The following RBFOX1 variants were observed in gnomAD, a reference collection of about 807,000 sequenced individuals.
The protein encoded by RBFOX1 is RNA binding fox-1 homolog 1.
RBFOX1 carries 8 observed loss-of-function variants against 57.7 expected under a neutral mutation model. The ratio of observed to expected loss-of-function variants is 0.14; its 90% CI spans 0.08 to 0.25. The LOEUF (loss-of-function observed/expected upper bound fraction) is 0.25. Ranked by LOEUF, RBFOX1 falls within the 10% of genes least tolerant of loss-of-function variation. The pLI, the probability that RBFOX1 is intolerant of heterozygous loss-of-function variation, is 1.00. For synonymous variants in RBFOX1, 326 were observed against 222.4 expected (o/e 1.47, Z -4.15); for missense variants, 611 against 548.5 (o/e 1.11, Z -1.14).
At chr16:6,255,697 A>C (rs934244858) in intron 1 of RBFOX1, among the ~76,000 whole-genome samples, 3 of 152,114 alleles carry the variant, frequency 2.0e-5, no homozygotes, top group Non-Finnish European at 4.4e-5. Flanking sequence ...TACATCATGG[A>C]ATACTATGCA....
chr16:5,962,307 T>A (rs79845494), intron 4 of RBFOX1, among the ~76,000 whole-genome samples: 57 of 152,330 alleles, frequency 3.7e-4, no homozygotes, highest in African/African-American at 1.4e-3. Context: ...TCTCTCCCTG[T>A]TCTCATCCTG....
intron 3 of RBFOX1, among the ~76,000 whole-genome samples, chr16:6,926,271 C>A (rs139057298): frequency 6.6e-6 from 1 of 151,984 alleles, no homozygotes; most frequent in African/African-American, 2.4e-5. Context: ...CACACCACTG[C>A]GCTACAGCCT....
At chr16:6,975,276 T>A (rs970221307) in intron 3 of RBFOX1, among the ~76,000 whole-genome samples, 3 of 152,220 alleles carry the variant, frequency 2.0e-5, no homozygotes, top group African/African-American at 7.2e-5. Flanking sequence ...TTTATTATTT[T>A]TTTTTTTGAG....
At chr16:5,484,264 T>C (rs2069648831) in intron 2 of RBFOX1, among the ~76,000 whole-genome samples, 2 of 152,246 alleles carry the variant, frequency 1.3e-5, no homozygotes, top group Non-Finnish European at 2.9e-5. Flanking sequence ...CCCATGAATC[T>C]GGCTGGACAG....
intron 4 of RBFOX1, among the ~76,000 whole-genome samples, chr16:7,179,222 A>ATTT (rs5815380): frequency 9.9e-4 from 144 of 145,178 alleles, no homozygotes; most frequent in African/African-American, 3.3e-3. Flanking sequence ...CTTAACCGGG[A>ATTT]TTTTTTTTTT....
At chr16:6,678,838 G>C (rs543209995) in intron 3 of RBFOX1, among the ~76,000 whole-genome samples, 2 of 152,116 alleles carry the variant, frequency 1.3e-5, no homozygotes, top group Admixed American at 1.3e-4. Flanking sequence ...CCAGGAGGCT[G>C]AGTGAGGCTG....
chr16:5,936,984 A>G (rs918697941), intron 4 of RBFOX1, among the ~76,000 whole-genome samples: 2 of 152,102 alleles, frequency 1.3e-5, no homozygotes, highest in African/African-American at 4.8e-5. Context: ...CTATATAATC[A>G]GTGTCAGTGT....
chr16:6,873,651 C>T (rs2061337842), intron 3 of RBFOX1, among the ~76,000 whole-genome samples: 2 of 152,206 alleles, frequency 1.3e-5, no homozygotes, highest in Non-Finnish European at 2.9e-5. Context: ...AGATTCTCTG[C>T]ATTCATAGGT....
intron 1 of RBFOX1, among the ~76,000 whole-genome samples, chr16:6,156,753 A>G (rs2096841214): frequency 1.3e-5 from 2 of 152,162 alleles, no homozygotes. Context: ...TGCTTATTTC[A>G]GTCCATTGGG....
At position 5,856,239 on chromosome 16, in the gene RBFOX1, GTGTATATATATGTATATATATGTA is replaced by G. The variant is rs781018496; in HGVS notation, c.319-11062_319-11039del. Among the ~76,000 whole-genome samples the G allele has an allele frequency of 4.9e-3, 116 of 23,802 alleles. 7 individuals carry two copies. The highest frequency in any genetic ancestry group is 0.012 in the African/African-American group (84 of 6,800). 15.6% of individuals were successfully genotyped at this position (23,802 alleles called of 152,430 possible). A position where few individuals can be genotyped will look rare whatever the true frequency, so the allele number is the denominator to read the frequency against. On this transcript the variant is annotated intron_variant, in intron 3 of 19. Coordinates refer to the RBFOX1 transcript ENST00000641259. ...TATGTATATATATATGTATATATAT[GTGTATATATATGTATATATATGTA>G]TATATATATACACATATATATACAC... is the stretch of plus-strand genomic sequence containing the variant.
intron 2 of RBFOX1, among the ~76,000 whole-genome samples, chr16:6,420,258 T>A (rs2093736619): frequency 6.6e-6 from 1 of 152,174 alleles, no homozygotes. Context: ...ATTTCTCATA[T>A]ATGTTAAAAA....
At chr16:5,852,631 C>T (rs1361374579) in intron 3 of RBFOX1, among the ~76,000 whole-genome samples, 1 of 152,032 alleles carries the variant, frequency 6.6e-6, no homozygotes, top group Non-Finnish European at 1.5e-5. Flanking sequence ...TGCAGCTTGG[C>T]TAGGGGTGGA....
At chr16:7,120,825 A>G (rs1372802185) in intron 4 of RBFOX1, among the ~76,000 whole-genome samples, 1 of 118,494 alleles carries the variant, frequency 8.4e-6, no homozygotes, top group Non-Finnish European at 1.8e-5. Flanking sequence ...TTATATATGT[A>G]TATATACACA....
chr16:6,060,348 G>T, intron 1 of RBFOX1, among the ~76,000 whole-genome samples: 1 of 151,990 alleles, frequency 6.6e-6, no homozygotes, highest in Non-Finnish European at 1.5e-5. Flanking sequence ...CTTACAGTGA[G>T]ATTTAAATGA....
intron 3 of RBFOX1, among the ~76,000 whole-genome samples, chr16:6,808,927 T>C (rs1179211727): frequency 1.3e-5 from 2 of 152,198 alleles, no homozygotes; most frequent in African/African-American, 4.8e-5. Flanking sequence ...AAACTAAATA[T>C]GTCCTGAGAA....
chr16:7,686,700 CTG>C (rs1678124665), intron 14 of RBFOX1, among the ~76,000 whole-genome samples: 1 of 152,074 alleles, frequency 6.6e-6, no homozygotes, highest in South Asian at 2.1e-4. Flanking sequence ...AATGAAGAAA[CTG>C]AGGTCCAGAC....
intron 5 of RBFOX1, among the ~76,000 whole-genome samples, chr16:7,538,847 G>A (rs1166589324): frequency 2.7e-5 from 2 of 75,056 alleles, no homozygotes; most frequent in Non-Finnish European, 5.3e-5. Context: ...CTCCTCCCCC[G>A]CACCCCCACC....
At chr16:5,970,725 C>G (rs1418263631) in intron 4 of RBFOX1, among the ~76,000 whole-genome samples, 2 of 152,048 alleles carry the variant, frequency 1.3e-5, no homozygotes, top group East Asian at 1.9e-4. Context: ...GAGAAAGGAC[C>G]CTGCGAAATT....
At chr16:6,562,880 CTTTTTTTT>C (rs71145250) in intron 2 of RBFOX1, among the ~76,000 whole-genome samples, 4 of 51,778 alleles carry the variant, frequency 7.7e-5, no homozygotes, top group African/African-American at 2.3e-4. Flanking sequence ...TTCTTTCTTT[CTTTTTTTT>C]TTTTTTTTTT....
Sources: allele counts gnomAD v4.1 joint callset (sites outside exome capture counted in the v4.1 genomes callset), GRCh38; gene constraint gnomAD v4.1.1; transcripts MANE v1.5; gene names NCBI Gene and HGNC (gene_info 2026-07-23, HGNC 2026-07-21).